OTUD4: variants seen among roughly 807,000 people sequenced by gnomAD.
The protein encoded by OTUD4 is OTU domain-containing protein 4.
Under a neutral mutation model 130.4 loss-of-function variants are expected in OTUD4, and 24 were observed. The observed-to-expected ratio is 0.18, with a 90% CI of 0.13 to 0.26. OTUD4 has a LOEUF of 0.26. OTUD4 is among the 10% of genes least tolerant of loss of function. OTUD4 has a pLI of 1.00. For missense variants in OTUD4, 1,031 were observed against 1,329.4 expected (o/e 0.78, Z 3.49); for synonymous variants, 420 against 472.5 (o/e 0.89, Z 1.44).
At position 145,179,670 on chromosome 4, in the gene OTUD4, G is replaced by A. The variant is rs901785908; in HGVS notation, c.159+145C>T. On this transcript the variant is annotated intron_variant, in intron 1 of 20. Transcript: ENST00000447906. ...ACGCAAAGCAGCGTCCCACTCCGGCGTTACAATGGGGCGCTGTGACGACAG... is the reference window on the plus strand; with the variant it reads ...ACGCAAAGCAGCGTCCCACTCCGGCATTACAATGGGGCGCTGTGACGACAG... The A allele has an allele frequency of 4.4e-4, 622 of 1,403,572 alleles. 1 individual carries two copies. Among genetic ancestry groups the A allele is most frequent in the Non-Finnish European group, 1.2e-4 (128 of 1,088,846 alleles). 86.9% of individuals were successfully genotyped at this position (1,403,572 alleles called of 1,614,324 possible). A position where few individuals can be genotyped will look rare whatever the true frequency, so the allele number is the denominator to read the frequency against.
intron 5 of OTUD4, among the ~76,000 whole-genome samples, chr4:145,162,952 G>A (rs1379195997): frequency 6.6e-6 from 1 of 151,984 alleles, no homozygotes; most frequent in Non-Finnish European, 1.5e-5. Context: ...ATGTTTATAG[G>A]ATCACAAAAA....
chr4:145,179,604 G>A (rs1752592444), intron 1 of OTUD4: 3 of 1,381,768 alleles, frequency 2.2e-6, no homozygotes, highest in East Asian at 6.0e-5. Flanking sequence ...GAGACACCCC[G>A]TTAATTTGCG....
rs1404371023 is a variant in OTUD4, at chr4:145,134,700, C to T, written c.*2730G>A. On this transcript the variant is annotated 3_prime_UTR_variant, in exon 21 of 21. Coordinates refer to ENST00000447906, the MANE Select transcript of OTUD4 (RefSeq NM_001366057.1). ...ATCAGTAAACAGTATGAGGACTACA[C>T]AGATGCCAGCATCCTGCTGCCAAGG... 2.5e-6 allele frequency: 1 copy of T among 398,784 alleles called. No homozygotes were observed. Among genetic ancestry groups the T allele is most frequent in the African/African-American group, 2.1e-5 (1 of 48,600 alleles). The allele number at this position is 398,784 out of a possible 1,614,324, so 24.7% of individuals were successfully genotyped here. A position where few individuals can be genotyped will look rare whatever the true frequency, so the allele number is the denominator to read the frequency against.
intron 6 of OTUD4, among the ~76,000 whole-genome samples, chr4:145,161,169 G>A (rs1282728833): frequency 6.6e-6 from 1 of 151,956 alleles, no homozygotes; most frequent in Non-Finnish European, 1.5e-5. Context: ...CTCTAAATGA[G>A]TTCCCACAGA....
Position 145,137,553 on chromosome 4 carries a change from T to C in OTUD4, c.3222A>G (p.Lys1074=), listed in dbSNP as rs760660867. Residue 1074 remains lysine (K), a synonymous_variant, in exon 21 of 21, where the codon AAA becomes AAG. Transcript: ENST00000447906. The stretch of plus-strand genomic sequence containing the variant: ...CATCCCGACTTCTGCTTGGCTGTCC[T>C]TTCCAGGACTCCTCACTTCTCACAT... ...YQHVRSEESW[K]GQPSRSRDEG... The C allele has an allele frequency of 2.5e-6, 4 of 1,613,232 alleles. No individual in the cohort carries two copies. Among genetic ancestry groups the C allele is most frequent in the Non-Finnish European group, 2.5e-6 (3 of 1,179,806 alleles).
intron 1 of OTUD4, among the ~76,000 whole-genome samples, chr4:145,177,305 G>C (rs1319018223): frequency 1.3e-5 from 2 of 152,202 alleles, no homozygotes; most frequent in African/African-American, 4.8e-5. Context: ...ATATCTACTG[G>C]TTCTTCTCTT....
intron 7 of OTUD4, among the ~76,000 whole-genome samples, chr4:145,158,541 T>C (rs1215408478): frequency 1.3e-5 from 2 of 151,782 alleles, no homozygotes; most frequent in East Asian, 3.9e-4. Context: ...GAGATATACA[T>C]ATATTTTTAA....
In OTUD4 at chr4:145,180,139, C is replaced by T. The variant is rs1752625011; in HGVS notation, c.-166G>A. ...GCCCGAGGCAGCGGTCCGCGCTCTC[C>T]GGGCGCATAGGGAAGCCCTGCCTAA... is the stretch of plus-strand genomic sequence containing the variant. On this transcript the variant is annotated 5_prime_UTR_variant, in exon 1 of 21. Transcript: ENST00000447906. The T allele has an allele frequency of 6.6e-6, 2 of 304,136 alleles. No individual in the cohort carries two copies. Among genetic ancestry groups the T allele is most frequent in the Admixed American group, 6.0e-5 (1 of 16,708 alleles). 18.8% of individuals were successfully genotyped at this position (304,136 alleles called of 1,614,324 possible). A position where few individuals can be genotyped will look rare whatever the true frequency, so the allele number is the denominator to read the frequency against.
intron 7 of OTUD4, 32 bp downstream of exon 7, chr4:145,159,471 C>T (rs752296040): frequency 5.8e-5 from 94 of 1,611,474 alleles, no homozygotes; most frequent in Non-Finnish European, 7.8e-5. Flanking sequence ...TTGTATGGCA[C>T]TAAGAAAGGT....
At chr4:145,145,006 A>G (rs1750751059) in intron 14 of OTUD4, among the ~76,000 whole-genome samples, 1 of 152,174 alleles carries the variant, frequency 6.6e-6, no homozygotes, top group Non-Finnish European at 1.5e-5. Context: ...CACACAGCTA[A>G]GAGGAGGATC....
chr4:145,144,184 T>C, intron 15 of OTUD4, 127 bp downstream of exon 15: 1 of 1,151,334 alleles, frequency 8.7e-7, no homozygotes, highest in Non-Finnish European at 1.2e-6. Context: ...CTCTGCAACA[T>C]TCAAAATATG....
chr4:145,168,412 T>TAAAAAAAAA, intron 3 of OTUD4, among the ~76,000 whole-genome samples: 1 of 15,022 alleles, frequency 6.7e-5, no homozygotes, highest in Non-Finnish European at 1.6e-4. Flanking sequence ...AAATAAAAAA[T>TAAAAAAAAA]TAAAAAAAAA....
chr4:145,138,032 C>A lies in OTUD4; in HGVS notation c.2743G>T (p.Ala915Ser). 1 of 1,614,226 alleles carries A rather than the reference C, an allele frequency of 6.2e-7. No individual in the cohort carries two copies. Among genetic ancestry groups the A allele is most frequent in the Non-Finnish European group, 8.5e-7 (1 of 1,180,032 alleles). ...SVSTVDEFPE[A>S]RGEHVHSLPE... is the part of the protein sequence containing the mutation. ...AGAGAATGTACATGTTCACCCCTGG[C>A]TTCTGGAAACTCATCTACTGTTGAA... is the stretch of plus-strand genomic sequence containing the variant. Residue 915 changes from alanine (A) to serine (S), a missense_variant, in exon 21 of 21, where the codon GCC (alanine) becomes TCC (serine). Physicochemically the swap from Ala to Ser is moderately conservative, Grantham distance 99. This residue lies in a region of OTUD4 where 900 missense variants were observed against 1,095.9 expected (regional missense o/e 0.82). Transcript: ENST00000447906.
rs1201852784 is a variant in OTUD4, at chr4:145,164,182, T to C, written c.386A>G (p.Gln129Arg). ...IYREPNVSPS[Q>R]VTENNFPEKV... ...TTCAGGAAAATTATTTTCTGTTACT[T>C]GTGAAGGAGAAACATTTGGTTCCCG... The change falls in exon 5 of 21, where the codon CAA becomes CGA. Residue 129 changes from glutamine (Q) to arginine (R), a missense_variant. Gln to Arg is a conservative substitution (Grantham distance 43). This residue lies in a region of OTUD4 where 77 missense variants were observed against 172.9 expected (regional missense o/e 0.45). Coordinates refer to ENST00000447906, the MANE Select transcript of OTUD4 (RefSeq NM_001366057.1). 1.4e-6 allele frequency: 2 copies of C among 1,446,032 alleles called. No individual in the cohort carries two copies. Among genetic ancestry groups the C allele is most frequent in the East Asian group, 2.4e-5 (1 of 42,256 alleles). The allele number at this position is 1,446,032 out of a possible 1,614,324, so 89.6% of individuals were successfully genotyped here.
chr4:145,136,784 C>T lies in OTUD4; in HGVS notation c.*646G>A, dbSNP rs1042841312. ...ATATACCTTATGAATATTAAAAGAA[C>T]TATATACAACATTGCTAAGACACAG... On this transcript the variant is annotated 3_prime_UTR_variant, in exon 21 of 21. Transcript: ENST00000447906. The T allele has an allele frequency of 5.2e-5, 8 of 152,470 alleles. No homozygotes were observed. The highest frequency in any genetic ancestry group is 1.9e-4 in the African/African-American group (8 of 41,390). The allele number at this position is 152,470 out of a possible 1,614,324, so 9.4% of individuals were successfully genotyped here. A position where few individuals can be genotyped will look rare whatever the true frequency, so the allele number is the denominator to read the frequency against.
At chr4:145,148,623 T>C (rs1750928350) in intron 13 of OTUD4, among the ~76,000 whole-genome samples, 1 of 152,242 alleles carries the variant, frequency 6.6e-6, no homozygotes, top group Admixed American at 6.5e-5. Flanking sequence ...ATTCAGTTTA[T>C]AATAAACAAG....
At chr4:145,176,727 GTGGTTCTCCCT>G (rs1579296541) in intron 1 of OTUD4, among the ~76,000 whole-genome samples, 1 of 152,110 alleles carries the variant, frequency 6.6e-6, no homozygotes, top group East Asian at 1.9e-4. Context: ...ATCCAATTGA[GTGGTTCTCCCT>G]TTACGTTTAG....
At position 145,137,384 on chromosome 4, in the gene OTUD4, C is replaced by T. The variant is rs1413417499; in HGVS notation, c.*46G>A. On this transcript the variant is annotated 3_prime_UTR_variant, in exon 21 of 21. Coordinates refer to ENST00000447906, the MANE Select transcript of OTUD4 (RefSeq NM_001366057.1). The stretch of plus-strand genomic sequence containing the variant: ...GTATTTTTTTTAAAGCCTTCAGAAA[C>T]ATTCCACCTAAGAGTTTCTGTTAGA... 2.0e-6 allele frequency: 3 copies of T among 1,486,560 alleles called. No homozygotes were observed. The highest frequency in any genetic ancestry group is 2.7e-6 in the Non-Finnish European group (3 of 1,093,382). The allele number at this position is 1,486,560 out of a possible 1,614,324, so 92.1% of individuals were successfully genotyped here.
chr4:145,177,088 T>C (rs1453757022), intron 1 of OTUD4, among the ~76,000 whole-genome samples: 1 of 152,190 alleles, frequency 6.6e-6, no homozygotes, highest in Non-Finnish European at 1.5e-5. Flanking sequence ...ATTCAACAAA[T>C]GACATTTAGC....
Sources: gnomAD v4.1 joint callset for allele counts (sites outside exome capture counted in the v4.1 genomes callset) on GRCh38, gnomAD v4.1.1 for gene constraint, gnomAD v4.1.1 regional missense constraint, MANE v1.5 for transcripts, NCBI Gene and HGNC (gene_info 2026-07-23, HGNC 2026-07-21) for gene names.